The following EXOC2 variants were observed in gnomAD, a reference collection of about 807,000 sequenced individuals.
EXOC2 encodes the protein SEC5-like 1.
A neutral mutation model predicts 131.8 loss-of-function variants in EXOC2; 70 were observed. The ratio of observed to expected loss-of-function variants is 0.53; its 90% CI spans 0.44 to 0.65. The LOEUF (loss-of-function observed/expected upper bound fraction) is 0.65. Among genes scored for constraint, EXOC2 ranks in the 30% least tolerant of loss-of-function variants. The pLI is 0.00. For synonymous variants in EXOC2, 411 were observed against 398.4 expected (o/e 1.03, Z -0.38); for missense variants, 923 against 1,108.6 (o/e 0.83, Z 2.38).
chr6:656,582 GGACGA>G (rs1352187874), intron 1 of EXOC2: 7 of 1,592,232 alleles, frequency 4.4e-6, no homozygotes, highest in Middle Eastern at 1.7e-4. Context: ...CGCGGCCCAG[GGACGA>G]GACCAGCTCC....
chr6:517,250 TGA>T (rs1477803624), intron 23 of EXOC2, among the ~76,000 whole-genome samples: 9 of 152,096 alleles, frequency 5.9e-5, no homozygotes, highest in Admixed American at 5.9e-4. Flanking sequence ...GAAACCAGCA[TGA>T]GTGTGGAACA....
intron 3 of EXOC2, among the ~76,000 whole-genome samples, chr6:632,222 A>G (rs1035719104): frequency 1.3e-5 from 2 of 152,190 alleles, no homozygotes; most frequent in Admixed American, 6.5e-5. Flanking sequence ...GTTCTAACTC[A>G]CCCAATCCTA....
chr6:588,013 A>C (rs1759313526), intron 11 of EXOC2, among the ~76,000 whole-genome samples: 1 of 152,208 alleles, frequency 6.6e-6, no homozygotes, highest in Non-Finnish European at 1.5e-5. Context: ...TGATAAAATG[A>C]GATTGGCTAT....
At chr6:625,326 T>C (rs768196574) in intron 4 of EXOC2, among the ~76,000 whole-genome samples, 2 of 152,210 alleles carry the variant, frequency 1.3e-5, no homozygotes, top group Non-Finnish European at 2.9e-5. Flanking sequence ...TGCAGCGGTG[T>C]TATTCCGCGC....
chr6:561,873 C>G (rs1757717583), intron 17 of EXOC2, among the ~76,000 whole-genome samples: 2 of 152,234 alleles, frequency 1.3e-5, no homozygotes, highest in African/African-American at 4.8e-5. Context: ...TGAGCCACCG[C>G]ACCCAGCCTA....
intron 1 of EXOC2, among the ~76,000 whole-genome samples, chr6:643,027 GGA>G (rs1408814345): frequency 6.6e-6 from 1 of 152,072 alleles, no homozygotes; most frequent in East Asian, 1.9e-4. Flanking sequence ...CAATTTGGTA[GGA>G]GAGTTTATAA....
chr6:534,634 T>C (rs1766328089), intron 22 of EXOC2, among the ~76,000 whole-genome samples: 1 of 152,248 alleles, frequency 6.6e-6, no homozygotes, highest in Admixed American at 6.5e-5. Context: ...CAGCGTGTCA[T>C]TCTCTTAACA....
At chr6:504,282 AGAAG>A (rs1764398982) in intron 23 of EXOC2, among the ~76,000 whole-genome samples, 1 of 152,166 alleles carries the variant, frequency 6.6e-6, no homozygotes, top group South Asian at 2.1e-4. Context: ...GGTCAGACGG[AGAAG>A]GTGAGGCAGA....
intron 1 of EXOC2, chr6:679,549 G>T (rs540834333): frequency 6.6e-6 from 1 of 152,186 alleles, no homozygotes; most frequent in South Asian, 2.1e-4. Context: ...CAAAGCCTTA[G>T]ACATGCTTCC....
chr6:633,016 T>G lies in EXOC2; in HGVS notation c.220A>C (p.Ile74Leu). 2 of 1,614,204 alleles carry G rather than the reference T, an allele frequency of 1.2e-6. No individual in the cohort carries two copies. The highest frequency in any genetic ancestry group is 3.3e-4 in the Middle Eastern group (2 of 6,062). ...CCACCTGACTTAGTGGTGACAATAA[T>G]GTCTCCTTTGTCATTTTTGGCTTGT... ...VGQAKNDKGD[I>L]IVTTKSGGRG... The change falls in exon 3 of 28, where the codon ATT becomes CTT. Residue 74 changes from isoleucine (I) to leucine (L), a missense_variant. By Grantham distance (5) the Ile-to-Leu change is conservative. Coordinates refer to ENST00000230449, the MANE Select transcript of EXOC2 (RefSeq NM_018303.6).
At chr6:545,153 C>CAAA (rs36051866) in intron 22 of EXOC2, among the ~76,000 whole-genome samples, 21 of 85,458 alleles carry the variant, frequency 2.5e-4, no homozygotes, top group East Asian at 1.1e-3. Flanking sequence ...GACTCCGTCT[C>CAAA]AAAAAAAAAA....
intron 1 of EXOC2, among the ~76,000 whole-genome samples, chr6:653,034 T>C (rs1467243389): frequency 6.6e-6 from 1 of 152,222 alleles, no homozygotes; most frequent in African/African-American, 2.4e-5. Context: ...ATGATACTAT[T>C]GTAACTGTTC....
At chr6:554,791 T>A (rs1258844228) in intron 20 of EXOC2, among the ~76,000 whole-genome samples, 2 of 152,172 alleles carry the variant, frequency 1.3e-5, no homozygotes, top group African/African-American at 4.8e-5. Flanking sequence ...AATTACCATA[T>A]GGATTTGTAA....
chr6:627,243 C>CA (rs144043704), intron 4 of EXOC2, among the ~76,000 whole-genome samples: 303 of 118,918 alleles, frequency 2.5e-3, no homozygotes, highest in African/African-American at 8.6e-3. Flanking sequence ...TGACAGTATC[C>CA]AAAAAAAAAA....
intron 21 of EXOC2, among the ~76,000 whole-genome samples, chr6:550,418 A>G (rs1318898532): frequency 6.6e-6 from 1 of 152,166 alleles, no homozygotes; most frequent in Non-Finnish European, 1.5e-5. Context: ...TTTATTTTGA[A>G]TGTTCCCATC....
chr6:565,513 G>T (rs1170930111), intron 13 of EXOC2, among the ~76,000 whole-genome samples: 1 of 152,072 alleles, frequency 6.6e-6, no homozygotes, highest in Non-Finnish European at 1.5e-5. Flanking sequence ...TTGACTAAAA[G>T]AGAAGCCTGT....
intron 2 of EXOC2, 82 bp from the exon 3 acceptor site, chr6:633,199 C>A: frequency 7.0e-7 from 1 of 1,437,806 alleles, no homozygotes; most frequent in Non-Finnish European, 9.5e-7. Flanking sequence ...TTTTTTAAAT[C>A]TAGTCTTGTT....
At chr6:613,583 G>T (rs551430170) in intron 6 of EXOC2, among the ~76,000 whole-genome samples, 24 of 152,264 alleles carry the variant, frequency 1.6e-4, no homozygotes, top group African/African-American at 5.8e-4. Context: ...ACCATCTTCA[G>T]GACTACAGTT....
chr6:504,647 T>C (rs1764427114), intron 23 of EXOC2, among the ~76,000 whole-genome samples: 1 of 152,180 alleles, frequency 6.6e-6, no homozygotes, highest in Non-Finnish European at 1.5e-5. Context: ...TCGTATGACC[T>C]TCCACAACTC....
Sources: allele counts gnomAD v4.1 joint callset (sites outside exome capture counted in the v4.1 genomes callset), GRCh38; gene constraint gnomAD v4.1.1; transcripts MANE v1.5; gene names NCBI Gene and HGNC (gene_info 2026-07-23, HGNC 2026-07-21).